BICDL1: variants seen among roughly 807,000 people sequenced by gnomAD.
The protein encoded by BICDL1 is BICD family like cargo adaptor 1.
BICDL1 carries 20 observed loss-of-function variants against 76.8 expected under a neutral mutation model. The observed-to-expected ratio is 0.26, with a 90% CI of 0.18 to 0.38. The LOEUF is 0.38. BICDL1 is among the 10% of genes least tolerant of loss of function. The pLI is 1.00. For missense variants in BICDL1, 700 were observed against 798.6 expected, an observed-to-expected ratio of 0.88 and a Z score of 1.49; for synonymous variants, 383 against 337.1, an observed-to-expected ratio of 1.14 and a Z score of -1.49.
chr12:120,089,306 G>GGGTGT (rs1566272897), intron 8 of BICDL1, among the ~76,000 whole-genome samples: 7 of 150,262 alleles, frequency 4.7e-5, no homozygotes, highest in African/African-American at 1.5e-4. Flanking sequence ...GTGTGTGTGG[G>GGGTGT]GTGTGACGGA....
At position 120,060,442 on chromosome 12, in the gene BICDL1, A is replaced by AT. The variant is rs1953079600; in HGVS notation, c.646-1267dup. The stretch of plus-strand genomic sequence containing the variant: ...TTGTTCATTTCCAATAAGTTACTTC[A>AT]TGTAGCTCTGAACTTCTAAGTTTTT... On this transcript the variant is annotated intron_variant, in intron 2 of 9. Coordinates refer to ENST00000548673, the MANE Select transcript of BICDL1 (RefSeq NM_001367886.1). Among the ~76,000 whole-genome samples, 9 of 152,212 alleles carry AT rather than the reference A, an allele frequency of 5.9e-5. No individual in the cohort carries two copies. In the South Asian group the frequency reaches 1.9e-3, roughly 31 times the overall value.
chr12:120,045,728 A>G (rs910262724), intron 2 of BICDL1, among the ~76,000 whole-genome samples: 4 of 135,838 alleles, frequency 2.9e-5, no homozygotes, highest in African/African-American at 8.4e-5. Context: ...ATGAGAACAC[A>G]TGGACATAGG....
intron 3 of BICDL1, 87 bp downstream of exon 3, chr12:120,061,913 A>G (rs768154730): frequency 1.7e-5 from 14 of 815,954 alleles, no homozygotes; most frequent in Non-Finnish European, 2.9e-5. Flanking sequence ...AGGGCCTAAA[A>G]TCTCTACAGA....
At chr12:119,996,726 T>G (rs1182575776) in intron 1 of BICDL1, among the ~76,000 whole-genome samples, 1 of 152,134 alleles carries the variant, frequency 6.6e-6, no homozygotes, top group Admixed American at 6.6e-5. Flanking sequence ...TAGACTTCAG[T>G]CTATTCCTAA....
intron 2 of BICDL1, among the ~76,000 whole-genome samples, chr12:120,060,430 A>T (rs931192110): frequency 2.6e-5 from 4 of 152,200 alleles, no homozygotes; most frequent in Non-Finnish European, 5.9e-5. Context: ...TTCATTTCCA[A>T]TAAGTTACTT....
Position 119,990,056 on chromosome 12 carries a change from T to C in BICDL1, c.188T>C (p.Leu63Pro), listed in dbSNP as rs777824310. Residue 63 changes from leucine (L) to proline (P), a missense_variant, in exon 1 of 10, where the codon CTG (leucine) becomes CCG (proline). This residue lies in a region of BICDL1 where 225 missense variants were observed against 199.6 expected (regional missense o/e 1.13). Transcript: ENST00000548673. ...GCGTTAGAGGAGGAGCTGGCGCTGC[T>C]GGCGGCCGGGGAGCGGCCGTCCGAC... ...ELALEEELAL[L>P]AAGERPSDPG... 1 of 1,534,188 alleles carries C rather than the reference T, an allele frequency of 6.5e-7. No individual in the cohort carries two copies. Among genetic ancestry groups the C allele is most frequent in the Non-Finnish European group, 8.7e-7 (1 of 1,143,132 alleles).
chr12:120,064,563 T>C (rs946128553), intron 3 of BICDL1, 170 bp from the exon 4 acceptor site: 37 of 534,592 alleles, frequency 6.9e-5, no homozygotes, highest in Non-Finnish European at 1.1e-4. Context: ...GGGGAGGGGT[T>C]TTCTCTTCAG....
At chr12:120,042,213 G>A (rs1952656051) in intron 2 of BICDL1, among the ~76,000 whole-genome samples, 1 of 152,108 alleles carries the variant, frequency 6.6e-6, no homozygotes, top group Non-Finnish European at 1.5e-5. Context: ...TGTTCCAATG[G>A]CTTTATAAAT....
intron 2 of BICDL1, among the ~76,000 whole-genome samples, chr12:120,029,657 A>AATT (rs1040550696): frequency 5.9e-5 from 9 of 151,800 alleles, no homozygotes; most frequent in African/African-American, 1.9e-4. Flanking sequence ...TTGACCCCAG[A>AATT]ATTATTATTA....
intron 2 of BICDL1, among the ~76,000 whole-genome samples, chr12:120,030,389 G>A (rs975896347): frequency 1.3e-5 from 2 of 152,284 alleles, no homozygotes; most frequent in South Asian, 2.1e-4. Context: ...GACTATCTGC[G>A]CTATTTTCCT....
At chr12:120,075,298 C>T (rs1697219312) in intron 7 of BICDL1, among the ~76,000 whole-genome samples, 1 of 152,146 alleles carries the variant, frequency 6.6e-6, no homozygotes, top group African/African-American at 2.4e-5. Flanking sequence ...CTGTCCTTTC[C>T]TGGCTCAAAG....
intron 2 of BICDL1, chr12:120,056,938 C>T (rs1428925088): frequency 1.0e-5 from 4 of 391,858 alleles, no homozygotes; most frequent in African/African-American, 8.5e-5. Context: ...GGTTAGGGCT[C>T]TACAGAGCAG....
At chr12:120,062,575 T>C (rs572430367) in intron 3 of BICDL1, among the ~76,000 whole-genome samples, 3 of 152,262 alleles carry the variant, frequency 2.0e-5, no homozygotes, top group Non-Finnish European at 4.4e-5. Context: ...AACCTTCCAC[T>C]GTGACGAAGC....
At chr12:120,031,947 G>A (rs945380679) in intron 2 of BICDL1, among the ~76,000 whole-genome samples, 5 of 152,120 alleles carry the variant, frequency 3.3e-5, no homozygotes, top group African/African-American at 1.2e-4. Context: ...AAAATTAGCC[G>A]GGCATGGTGG....
intron 7 of BICDL1, among the ~76,000 whole-genome samples, chr12:120,075,985 C>T (rs1873516859): frequency 6.6e-6 from 1 of 152,194 alleles, no homozygotes; most frequent in Non-Finnish European, 1.5e-5. Context: ...ATGGCGAAAC[C>T]CCATCTCTAC....
chr12:120,001,876 C>A (rs1377572108), intron 2 of BICDL1, among the ~76,000 whole-genome samples: 1 of 151,984 alleles, frequency 6.6e-6, no homozygotes, highest in Admixed American at 6.6e-5. Context: ...ACAGTAAGAC[C>A]CTGTCTTTAC....
intron 8 of BICDL1, among the ~76,000 whole-genome samples, chr12:120,087,069 G>A (rs1188413859): frequency 6.6e-6 from 1 of 152,262 alleles, no homozygotes; most frequent in Non-Finnish European, 1.5e-5. Context: ...GGCGCCACCT[G>A]CCGGGGGACG....
Position 120,064,872 on chromosome 12 carries a change from A to G in BICDL1, c.902A>G (p.Asp301Gly). Residue 301 changes from aspartate (D) to glycine (G), a missense_variant, in exon 4 of 10, where the codon GAC (aspartate) becomes GGC (glycine). Coordinates refer to ENST00000548673, the MANE Select transcript of BICDL1 (RefSeq NM_001367886.1). ...CTGGAGAGGCAGGGCCATGACAAGGACCTACAGGTACTGGGGTAGAGAAGC... is the reference window on the plus strand; with the variant it reads ...CTGGAGAGGCAGGGCCATGACAAGGGCCTACAGGTACTGGGGTAGAGAAGC... ...LILERQGHDK[D>G]LQLHQSQLEL... The G allele has an allele frequency of 1.2e-6, 2 of 1,608,054 alleles. No individual in the cohort carries two copies.
chr12:120,004,859 T>C (rs1951822045), intron 2 of BICDL1, among the ~76,000 whole-genome samples: 1 of 152,232 alleles, frequency 6.6e-6, no homozygotes, highest in African/African-American at 2.4e-5. Flanking sequence ...GTCGCTCTTG[T>C]TGCCCAGGCT....
Sources: allele counts gnomAD v4.1 joint callset (sites outside exome capture counted in the v4.1 genomes callset), GRCh38; gene constraint gnomAD v4.1.1; regional missense constraint gnomAD v4.1.1; transcripts MANE v1.5; gene names NCBI Gene and HGNC (gene_info 2026-07-23, HGNC 2026-07-21).